The following RPL3 variants were observed in gnomAD, a reference collection of about 807,000 sequenced individuals.
RPL3 encodes ribosomal protein L3.
A neutral mutation model predicts 46.0 loss-of-function variants in RPL3; 3 were observed. The ratio of observed to expected loss-of-function variants is 0.07; its 90% CI spans 0.03 to 0.17. The LOEUF is 0.17. Among genes scored for constraint, RPL3 ranks in the 10% least tolerant of loss-of-function variants. The pLI, the probability that RPL3 is intolerant of heterozygous loss-of-function variation, is 1.00. For missense variants in RPL3, 387 were observed against 532.7 expected, an observed-to-expected ratio of 0.73 and a Z score of 2.69; for synonymous variants, 224 against 190.8, an observed-to-expected ratio of 1.17 and a Z score of -1.43.
chr22:39,319,436 G>C, intron 1 of RPL3, 159 bp downstream of exon 1: 2 of 1,025,388 alleles, frequency 2.0e-6, no homozygotes, highest in Non-Finnish European at 2.9e-6. Flanking sequence ...CAAGCCTCTC[G>C]ACTTTCCAGA....
rs1054937899 is a variant in RPL3, at chr22:39,313,454, G to A, written c.1048-144C>T. The A allele has an allele frequency of 1.2e-5, 17 of 1,394,214 alleles. No homozygotes were observed. In the East Asian group the frequency reaches 3.9e-4, roughly 32 times the overall value. The allele number at this position is 1,394,214 out of a possible 1,614,324, so 86.4% of individuals were successfully genotyped here. ...GGCAGATGAGGACACACTCAAAGCA[G>A]CAAACAGCCCAGCAAGGCCAGACTG... On this transcript the variant is annotated intron_variant, in intron 8 of 9. Transcript: ENST00000216146.
chr22:39,319,481 C>T (rs770231844), intron 1 of RPL3, 114 bp downstream of exon 1: 10 of 1,414,486 alleles, frequency 7.1e-6, no homozygotes, highest in African/African-American at 1.4e-5. Flanking sequence ...CTGGGTCGCC[C>T]GTGCCCCTAA....
In RPL3 at chr22:39,313,286, G is replaced by T. The variant is rs760707879; in HGVS notation, c.1072C>A (p.Arg358=). Residue 358 remains arginine (R), a synonymous_variant, in exon 9 of 10, where the codon CGG becomes AGG. Coordinates refer to ENST00000216146, the MANE Select transcript of RPL3 (RefSeq NM_000967.4). ...TTAAGGTCAATCTTCTCCAGAGCCC[G>T]CCGCTTCGTCTGCACCAGCAAGGAC... ...RKSLLVQTKR[R]ALEKIDLKFI... is the part of the protein sequence containing the mutation. 6.2e-7 allele frequency: 1 copy of T among 1,613,672 alleles called. No homozygotes were observed. Among genetic ancestry groups the T allele is most frequent in the Admixed American group, 1.7e-5 (1 of 59,898 alleles).
intron 5 of RPL3, chr22:39,315,049 T>C: frequency 2.7e-6 from 2 of 735,244 alleles, no homozygotes; most frequent in South Asian, 1.8e-5. Context: ...GGGTGCTTTT[T>C]AAGGCATCCA....
In RPL3 at chr22:39,319,588, C is replaced by A; in HGVS notation, c.3+7G>T. 2 of 1,563,882 alleles carry A rather than the reference C, an allele frequency of 1.3e-6. No homozygotes were observed. Among genetic ancestry groups the A allele is most frequent in the Non-Finnish European group, 1.7e-6 (2 of 1,152,518 alleles). ...GACAATGAAACGGCCGCCATTACAA[C>A]ACATACCATCACGCCATCAAATCCC... On this transcript the variant is annotated splice_region_variant and intron_variant, in intron 1 of 9. Coordinates refer to ENST00000216146, the MANE Select transcript of RPL3 (RefSeq NM_000967.4).
intron 1 of RPL3, chr22:39,319,064 A>T (rs764605548): frequency 3.7e-6 from 2 of 537,542 alleles, no homozygotes; most frequent in Non-Finnish European, 3.8e-6. Flanking sequence ...TCAGAACGTG[A>T]CAATCAGCAC....
intron 3 of RPL3, 43 bp downstream of exon 3, chr22:39,317,418 T>C (rs1922770615): frequency 4.5e-6 from 7 of 1,570,742 alleles, no homozygotes; most frequent in Non-Finnish European, 6.0e-6. Flanking sequence ...GCTCTCCAGC[T>C]CCCAAGCTCC....
At chr22:39,318,315 CCTCTGCTAACAGCTTGA>C in intron 2 of RPL3, 68 bp downstream of exon 2, 1 of 1,458,626 alleles carries the variant, frequency 6.9e-7, no homozygotes, top group South Asian at 1.3e-5. Context: ...AAAAGTCTGC[CCTCTGCTAACAGCTTGA>C]CTCCATCTCT....
chr22:39,312,998 G>A lies in RPL3; in HGVS notation c.1168-14C>T, dbSNP rs186582061. The stretch of plus-strand genomic sequence containing the variant: ...CTTCAGTGGTCCCTGTGGGGAGAGA[G>A]GCAGTGGTCAGAGGTAGAAGATGAC... On this transcript the variant is annotated splice_polypyrimidine_tract_variant and intron_variant, in intron 9 of 9. Coordinates refer to ENST00000216146, the MANE Select transcript of RPL3 (RefSeq NM_000967.4). 7.1e-5 allele frequency: 114 copies of A among 1,613,926 alleles called. 1 individual carries two copies. Among genetic ancestry groups the A allele is most frequent in the South Asian group, 2.0e-4 (18 of 91,088 alleles).
At chr22:39,316,644 A>G in intron 4 of RPL3, 62 bp downstream of exon 4, 1 of 1,607,170 alleles carries the variant, frequency 6.2e-7, no homozygotes, top group African/African-American at 1.3e-5. Flanking sequence ...CGGGACCCCC[A>G]TGATCACATA....
At chr22:39,315,585 A>G in intron 4 of RPL3, 30 bp from the exon 5 acceptor site, 6 of 1,611,654 alleles carry the variant, frequency 3.7e-6, no homozygotes, top group Non-Finnish European at 5.1e-6. Context: ...GCTCAGCTCC[A>G]GCTGCCAGCG....
intron 9 of RPL3, 21 bp from the exon 10 acceptor site, chr22:39,313,005 G>A: frequency 1.9e-6 from 3 of 1,614,048 alleles, no homozygotes; most frequent in East Asian, 2.2e-5. Context: ...AGAGGCAGTG[G>A]TCAGAGGTAG....
rs895456677 is a variant in RPL3 at position 39,315,242 on chromosome 22, T to G, written c.688+127A>C. The G allele has an allele frequency of 4.6e-6, 6 of 1,304,324 alleles. No homozygotes were observed. The African/African-American group carries it at 8.7e-5, about 19-fold the overall frequency. The allele number at this position is 1,304,324 out of a possible 1,614,324, so 80.8% of individuals were successfully genotyped here. On this transcript the variant is annotated intron_variant, in intron 5 of 9. Transcript: ENST00000216146. ...TTCTCAGAAGGAAGGCAGTAGAGAA[T>G]GGTTCTACACTGTCCGATTCGGGCG...
At chr22:39,318,267 G>A (rs1922827658) in intron 2 of RPL3, 133 bp downstream of exon 2, 14 of 821,188 alleles carry the variant, frequency 1.7e-5, no homozygotes, top group Non-Finnish European at 2.7e-5. Context: ...TTCTGCTGTC[G>A]CAGCAGTTCT....
rs1922766645 is a variant in RPL3 at position 39,317,375 on chromosome 22, C to T, written c.365+86G>A. On this transcript the variant is annotated intron_variant, in intron 3 of 9. Transcript: ENST00000216146. ...CAAGACAGCAGCTCCCTGCCTGCTA[C>T]AGAGCTGAGAAACCATGCACACGCT... 2.1e-6 allele frequency: 3 copies of T among 1,461,236 alleles called. No homozygotes were observed. The African/African-American group carries it at 4.2e-5, about 21-fold the overall frequency. The allele number at this position is 1,461,236 out of a possible 1,614,324, so 90.5% of individuals were successfully genotyped here. A position where few individuals can be genotyped will look rare whatever the true frequency, so the allele number is the denominator to read the frequency against.
rs2146516589 is a variant in RPL3 at position 39,316,833 on chromosome 22, G to C, written c.374C>G (p.Ser125Cys). The C allele has an allele frequency of 6.2e-7, 1 of 1,613,944 alleles. No homozygotes were observed. The highest frequency in any genetic ancestry group is 8.5e-7 in the Non-Finnish European group (1 of 1,180,032). ...GTACTTGGTAAAGGCCTTCTTCTTA[G>C]ATTTATGCCTTCAGGAGCAGAGCAG... ...KRRFYKNWHK[S>C]KKKAFTKYCK... is the part of the protein sequence containing the mutation. The change falls in exon 4 of 10, where the codon TCT becomes TGT. Residue 125 changes from serine to cysteine, a missense_variant. This residue lies in a region of RPL3 where 196 missense variants were observed against 217.5 expected (regional missense o/e 0.90). Coordinates refer to ENST00000216146, the MANE Select transcript of RPL3 (RefSeq NM_000967.4).
In RPL3 at chr22:39,318,533, G is replaced by A. The variant is rs145230291; in HGVS notation, c.63C>T (p.Arg21=). 2.0e-4 allele frequency: 315 copies of A among 1,613,652 alleles called. No individual in the cohort carries two copies. The highest frequency in any genetic ancestry group is 2.2e-4 in the Non-Finnish European group (265 of 1,179,768). ...TCACCTTCCCACGATGCCTGCTGCT[G>A]CGCTTCCGAGGCAGGAAGCCGAGGG... is the stretch of plus-strand genomic sequence containing the variant. ...HGSLGFLPRK[R]SSRHRGKVKS... The change falls in exon 2 of 10, where the codon CGC becomes CGT. Residue 21 remains arginine (R), a synonymous_variant. Transcript: ENST00000216146.
At chr22:39,316,118 A>C (rs186230686) in intron 4 of RPL3, among the ~76,000 whole-genome samples, 4 of 152,306 alleles carry the variant, frequency 2.6e-5, no homozygotes, top group Admixed American at 2.0e-4. Context: ...GCATGCCTGT[A>C]ATCCCAGCTA....
chr22:39,314,501 C>T, intron 6 of RPL3, 185 bp downstream of exon 6: 1 of 747,602 alleles, frequency 1.3e-6, no homozygotes, highest in Non-Finnish European at 2.1e-6. Flanking sequence ...CCACCACAGC[C>T]ACTCTACAGG....
Sources: gnomAD v4.1 joint callset for allele counts (sites outside exome capture counted in the v4.1 genomes callset) on GRCh38, gnomAD v4.1.1 for gene constraint, gnomAD v4.1.1 regional missense constraint, MANE v1.5 for transcripts, NCBI Gene and HGNC (gene_info 2026-07-23, HGNC 2026-07-21) for gene names.